CACNA2D3: variants seen among roughly 807,000 people sequenced by gnomAD.
CACNA2D3 encodes voltage-dependent calcium channel subunit alpha-2/delta-3.
A neutral mutation model predicts 160.6 loss-of-function variants in CACNA2D3; 60 were observed. The observed-to-expected ratio is 0.37, with a 90% CI of 0.30 to 0.46. The LOEUF is 0.46. Among genes scored for constraint, CACNA2D3 ranks in the 20% least tolerant of loss-of-function variants. CACNA2D3 has a pLI of 1.00. For synonymous variants in CACNA2D3, 558 were observed against 492.9 expected (o/e 1.13, Z -1.75); for missense variants, 1,205 against 1,365.0 (o/e 0.88, Z 1.85).
intron 9 of CACNA2D3, among the ~76,000 whole-genome samples, chr3:54,605,066 C>A (rs1372381334): frequency 6.6e-6 from 1 of 152,196 alleles, no homozygotes; most frequent in Non-Finnish European, 1.5e-5. Flanking sequence ...GGTTTTCCTG[C>A]AATCTTTGGT....
At chr3:54,190,725 T>G (rs943755264) in intron 2 of CACNA2D3, among the ~76,000 whole-genome samples, 2 of 152,214 alleles carry the variant, frequency 1.3e-5, no homozygotes, top group Admixed American at 6.5e-5. Flanking sequence ...CTTATAAGAT[T>G]ATAAGTAAAA....
chr3:54,917,442 G>A (rs546549910), intron 27 of CACNA2D3, among the ~76,000 whole-genome samples: 1 of 152,314 alleles, frequency 6.6e-6, no homozygotes, highest in Non-Finnish European at 1.5e-5. Flanking sequence ...ATCCCAGTGT[G>A]GGGAGTAGAC....
intron 11 of CACNA2D3, among the ~76,000 whole-genome samples, chr3:54,742,184 C>T (rs542053533): frequency 1.3e-5 from 2 of 152,154 alleles, no homozygotes; most frequent in African/African-American, 4.8e-5. Context: ...TTTGGGAAGT[C>T]GAGGCGAGTT....
At chr3:54,349,207 A>T (rs1028219317) in intron 3 of CACNA2D3, among the ~76,000 whole-genome samples, 1 of 152,122 alleles carries the variant, frequency 6.6e-6, no homozygotes, top group Non-Finnish European at 1.5e-5. Context: ...CCACAGTCAC[A>T]CTGTGGGGTT....
At chr3:55,036,006 A>T (rs1383262818) in intron 35 of CACNA2D3, among the ~76,000 whole-genome samples, 2 of 152,106 alleles carry the variant, frequency 1.3e-5, no homozygotes, top group African/African-American at 2.4e-5. Context: ...TGTAGATACA[A>T]CATCAGTTCC....
At chr3:54,913,601 G>A (rs894342436) in intron 27 of CACNA2D3, among the ~76,000 whole-genome samples, 1 of 152,082 alleles carries the variant, frequency 6.6e-6, no homozygotes, top group Non-Finnish European at 1.5e-5. Flanking sequence ...CCTTCAGCCG[G>A]CCTCCTGGTT....
chr3:54,239,526 G>A (rs543760893), intron 2 of CACNA2D3, among the ~76,000 whole-genome samples: 183 of 152,326 alleles, frequency 1.2e-3, no homozygotes, highest in Middle Eastern at 6.8e-3. Flanking sequence ...AATATCTGTT[G>A]TGACCCCTGT....
chr3:54,572,243 G>A (rs1442539539), intron 8 of CACNA2D3, among the ~76,000 whole-genome samples: 1 of 152,194 alleles, frequency 6.6e-6, no homozygotes, highest in African/African-American at 2.4e-5. Context: ...AAAGACGAAA[G>A]GGAAAAGAAA....
Position 55,074,304 on chromosome 3 carries a change from T to TGAA in CACNA2D3, c.*99_*101dup. On this transcript the variant is annotated 3_prime_UTR_variant, in exon 38 of 38. Coordinates refer to ENST00000474759, the MANE Select transcript of CACNA2D3 (RefSeq NM_018398.3). ...AAAATATGGTGCAACATACGAGACATGAATATAGTCCAACCATCAGCATCT... is the reference window on the plus strand; with the variant it reads ...AAAATATGGTGCAACATACGAGACATGAAGAATATAGTCCAACCATCAGCATCT... 1.1e-6 allele frequency: 1 copy of TGAA among 919,988 alleles called. No individual in the cohort carries two copies. Among genetic ancestry groups the TGAA allele is most frequent in the African/African-American group, 1.6e-5 (1 of 61,954 alleles). 57.0% of individuals were successfully genotyped at this position (919,988 alleles called of 1,614,324 possible).
intron 35 of CACNA2D3, among the ~76,000 whole-genome samples, chr3:55,043,622 A>G (rs995980189): frequency 1.3e-5 from 2 of 152,162 alleles, no homozygotes; most frequent in Non-Finnish European, 2.9e-5. Flanking sequence ...TATCTTGCAC[A>G]GAGCAGAAAG....
chr3:54,850,397 ATGTT>A (rs1027627306), intron 17 of CACNA2D3, among the ~76,000 whole-genome samples: 13 of 152,304 alleles, frequency 8.5e-5, no homozygotes, highest in East Asian at 1.9e-4. Flanking sequence ...TGCCCCTGGA[ATGTT>A]TGTTTGTTTG....
At chr3:54,918,505 G>T in intron 27 of CACNA2D3, 1 of 1,613,824 alleles carries the variant, frequency 6.2e-7, no homozygotes, top group Non-Finnish European at 8.5e-7. Context: ...CACCTTCCCA[G>T]GATCATTGGT....
chr3:54,885,515 C>T lies in CACNA2D3; in HGVS notation c.1985C>T (p.Pro662Leu), dbSNP rs1699902799. The T allele has an allele frequency of 1.2e-6, 2 of 1,613,832 alleles. No homozygotes were observed. Among genetic ancestry groups the T allele is most frequent in the Non-Finnish European group, 1.7e-6 (2 of 1,179,796 alleles). Reference protein sequence around the residue: ...EWSYCNTDLHPEHRHLSQLEA... With the variant: ...EWSYCNTDLHLEHRHLSQLEA... ...TCCTACTGCAACACTGACCTACACC[C>T]TGAGCACCGCCATCTGTCTCAGTTA... The change falls in exon 23 of 38, where the codon CCT becomes CTT. Residue 662 changes from proline to leucine, a missense_variant. By Grantham distance (98) the Pro-to-Leu change is moderately conservative. Transcript: ENST00000474759.
intron 2 of CACNA2D3, among the ~76,000 whole-genome samples, chr3:54,284,527 T>C (rs1335217398): frequency 2.0e-5 from 3 of 152,182 alleles, no homozygotes; most frequent in African/African-American, 7.2e-5. Flanking sequence ...AATCTAGAAT[T>C]ATTTCAAATT....
chr3:54,663,871 G>A (rs1700016045), intron 11 of CACNA2D3, among the ~76,000 whole-genome samples: 1 of 152,210 alleles, frequency 6.6e-6, no homozygotes, highest in South Asian at 2.1e-4. Context: ...TCTCCTGCCT[G>A]TGTTTTCCCT....
chr3:54,689,010 A>AAAAGAG (rs1553785965), intron 11 of CACNA2D3, among the ~76,000 whole-genome samples: 3,377 of 85,384 alleles, frequency 0.04, 1,020 homozygotes, highest in Non-Finnish European at 0.044. Flanking sequence ...AAAAAAAAAA[A>AAAAGAG]AGAATGAGGT....
At chr3:54,729,427 G>A (rs1350709558) in intron 11 of CACNA2D3, among the ~76,000 whole-genome samples, 1 of 150,930 alleles carries the variant, frequency 6.6e-6, no homozygotes, top group Non-Finnish European at 1.5e-5. Flanking sequence ...GTCCATCATA[G>A]CTAGAAGCAG....
At chr3:54,424,836 T>TCTCCATATTCCTGCATC (rs1315077438) in intron 4 of CACNA2D3, among the ~76,000 whole-genome samples, 2 of 152,150 alleles carry the variant, frequency 1.3e-5, no homozygotes, top group Non-Finnish European at 2.9e-5. Flanking sequence ...TTTCCTGCAT[T>TCTCCATATTCCTGCATC]CTCCATATTC....
intron 13 of CACNA2D3, among the ~76,000 whole-genome samples, chr3:54,807,889 G>C (rs1454272087): frequency 6.7e-6 from 1 of 149,888 alleles, no homozygotes; most frequent in East Asian, 2.0e-4. Flanking sequence ...AAAATGATGA[G>C]TTCATGTCCT....
Sources: allele counts gnomAD v4.1 joint callset (sites outside exome capture counted in the v4.1 genomes callset), GRCh38; gene constraint gnomAD v4.1.1; transcripts MANE v1.5; gene names NCBI Gene and HGNC (gene_info 2026-07-23, HGNC 2026-07-21).